VSIR: variants seen among roughly 807,000 people sequenced by gnomAD.
The protein encoded by VSIR is V-set immunoregulatory receptor.
VSIR carries 10 observed loss-of-function variants against 31.0 expected under a neutral mutation model. That is an observed-to-expected ratio of 0.32 (90% confidence interval 0.20 to 0.55). The LOEUF is 0.55. Among genes scored for constraint, VSIR ranks in the 20% least tolerant of loss-of-function variants. The probability of loss-of-function intolerance (pLI) is 0.93; values close to 1 mark genes in which losing one functional copy is unlikely to be tolerated. For missense variants in VSIR, 356 were observed against 416.2 expected (o/e 0.86, Z 1.26); for synonymous variants, 179 against 180.1 (o/e 0.99, Z 0.05).
chr10:71,764,236 G>A (rs974334837), intron 1 of VSIR, among the ~76,000 whole-genome samples: 13 of 152,112 alleles, frequency 8.5e-5, no homozygotes, highest in African/African-American at 3.1e-4. Flanking sequence ...TGTGCACTAC[G>A]CTAAGGGTTT....
chr10:71,752,827 A>C (rs1840039540), intron 5 of VSIR, 148 bp downstream of exon 5: 7 of 969,820 alleles, frequency 7.2e-6, no homozygotes, highest in South Asian at 7.1e-5. Flanking sequence ...GCCAATCTGC[A>C]CAGATGTGCA....
rs769281456 is a variant in VSIR, at chr10:71,761,935, G to A, written c.174C>T (p.Gly58=). ...QNVTLTCRLL[G]PVDKGHDVTF... ...TCACATCGTGCCCTTTGTCCACAGG[G>A]CCCAAGAGCCTGCAGGTGAGGGTGA... The change falls in exon 2 of 7, where the codon GGC becomes GGT. Residue 58 remains glycine, a synonymous_variant. Coordinates refer to ENST00000394957, the MANE Select transcript of VSIR (RefSeq NM_022153.2). 68 of 1,614,016 alleles carry A rather than the reference G, an allele frequency of 4.2e-5. No individual in the cohort carries two copies. Among genetic ancestry groups the A allele is most frequent in the Non-Finnish European group, 5.7e-5 (67 of 1,180,020 alleles).
intron 4 of VSIR, 136 bp downstream of exon 4, chr10:71,755,223 A>G: frequency 1.2e-6 from 1 of 815,720 alleles, no homozygotes. Context: ...CCTGGCGGGA[A>G]GTGCAGCTGC....
chr10:71,764,224 G>A (rs1232659705), intron 1 of VSIR, among the ~76,000 whole-genome samples: 1 of 152,210 alleles, frequency 6.6e-6, no homozygotes, highest in East Asian at 1.9e-4. Context: ...CACAGCATGT[G>A]TTGTGCACTA....
chr10:71,763,170 TTTTA>T (rs1224755474), intron 1 of VSIR, among the ~76,000 whole-genome samples: 3 of 152,138 alleles, frequency 2.0e-5, no homozygotes, highest in Non-Finnish European at 4.4e-5. Flanking sequence ...TTGGTGTTAT[TTTTA>T]TTTATTTATT....
chr10:71,768,169 T>C (rs1840600359), intron 1 of VSIR, among the ~76,000 whole-genome samples: 1 of 152,036 alleles, frequency 6.6e-6, no homozygotes. Flanking sequence ...TTGTTGCTGT[T>C]GTTGTTGTTG....
chr10:71,770,947 G>A (rs541311282), intron 1 of VSIR, among the ~76,000 whole-genome samples: 2 of 152,302 alleles, frequency 1.3e-5, no homozygotes, highest in South Asian at 2.1e-4. Flanking sequence ...CAGAGCCTCT[G>A]GGCAGTGGGT....
At position 71,759,884 on chromosome 10, in the gene VSIR, C is replaced by CAT. The variant is rs377560344; in HGVS notation, c.568+982_568+983dup. ...ACACACATATATATACACACACACA[C>CAT]ATATACACACACACATATATACACA... On this transcript the variant is annotated intron_variant, in intron 3 of 6. Transcript: ENST00000394957. Among the ~76,000 whole-genome samples, 170 of 49,192 alleles carry CAT rather than the reference C, an allele frequency of 3.5e-3. 21 individuals are homozygous for CAT. The Middle Eastern group carries it at 0.065, about 19-fold the overall frequency. 32.3% of individuals were successfully genotyped at this position (49,192 alleles called of 152,430 possible). A position where few individuals can be genotyped will look rare whatever the true frequency, so the allele number is the denominator to read the frequency against.
rs527643078 is a variant in VSIR at position 71,762,057 on chromosome 10, G to A, written c.83-31C>T. On this transcript the variant is annotated intron_variant, in intron 1 of 6. Transcript: ENST00000394957. ...CAGAGAGAGGAGAGCCCTGTCACCT[G>A]ACTGATCCAGTGCTACTCCTGGCAA... 1.9e-6 allele frequency: 3 copies of A among 1,561,804 alleles called. No individual in the cohort carries two copies. In the South Asian group the frequency reaches 3.6e-5, roughly 19 times the overall value.
In VSIR at chr10:71,772,009, G is replaced by A. The variant is rs567335032; in HGVS notation, c.82+1349C>T. 4.4e-3 allele frequency among the ~76,000 whole-genome samples: 672 copies of A among 152,310 alleles called. 4 individuals are homozygous for A. The highest frequency in any genetic ancestry group is 6.8e-3 in the Middle Eastern group (2 of 294). On this transcript the variant is annotated intron_variant, in intron 1 of 6. Coordinates refer to ENST00000394957, the MANE Select transcript of VSIR (RefSeq NM_022153.2). ...AGGTGGGATGCTGGCTTGCCTGCCT[G>A]CCACCATCCTCTGTTCCTTCTGGAA...
chr10:71,759,178 C>A (rs1458284081), intron 3 of VSIR, among the ~76,000 whole-genome samples: 4 of 151,816 alleles, frequency 2.6e-5, no homozygotes, highest in Admixed American at 6.6e-5. Flanking sequence ...GCTGGGACTA[C>A]AGGCGTGCAC....
intron 1 of VSIR, among the ~76,000 whole-genome samples, chr10:71,771,962 T>A (rs915436702): frequency 1.2e-4 from 19 of 152,208 alleles, no homozygotes; most frequent in Non-Finnish European, 2.1e-4. Context: ...GGGAGGGCAG[T>A]GCAGGGCAGG....
chr10:71,768,812 T>C (rs1840620089), intron 1 of VSIR, among the ~76,000 whole-genome samples: 1 of 152,256 alleles, frequency 6.6e-6, no homozygotes, highest in African/African-American at 2.4e-5. Flanking sequence ...GATTAGTTTA[T>C]GTAATCCTTC....
chr10:71,771,202 C>G (rs1035094856), intron 1 of VSIR, among the ~76,000 whole-genome samples: 1 of 152,190 alleles, frequency 6.6e-6, no homozygotes, highest in Non-Finnish European at 1.5e-5. Context: ...CTCTGCTACC[C>G]TTGAGATCTG....
At chr10:71,755,036 A>T (rs1406131884) in intron 4 of VSIR, 1 of 512,710 alleles carries the variant, frequency 2.0e-6, no homozygotes, top group South Asian at 1.5e-5. Flanking sequence ...TCCCCCAAGG[A>T]TCTCTGAGTG....
chr10:71,766,399 C>T (rs1001424930), intron 1 of VSIR, among the ~76,000 whole-genome samples: 10 of 152,160 alleles, frequency 6.6e-5, no homozygotes, highest in Admixed American at 5.9e-4. Flanking sequence ...GGAGGCAGGG[C>T]CACCTAGAGG....
chr10:71,770,553 C>G (rs570039582), intron 1 of VSIR, among the ~76,000 whole-genome samples: 4 of 152,352 alleles, frequency 2.6e-5, no homozygotes, highest in Admixed American at 2.6e-4. Context: ...GGCCCACCCT[C>G]CCCTGGGAGA....
Position 71,749,819 on chromosome 10 carries a change from C to T in VSIR, c.*1434G>A, listed in dbSNP as rs865820528. The T allele has an allele frequency of 3.3e-5, 5 of 152,346 alleles. No individual in the cohort carries two copies. The highest frequency in any genetic ancestry group is 1.3e-4 in the Admixed American group (2 of 15,280). The allele number at this position is 152,346 out of a possible 1,614,324, so 9.4% of individuals were successfully genotyped here. A position where few individuals can be genotyped will look rare whatever the true frequency, so the allele number is the denominator to read the frequency against. ...GCTCCCCTTTTCCATCCCCCCAACC[C>T]CCCAAGCAATTGGGCGAACATCTTC... On this transcript the variant is annotated 3_prime_UTR_variant, in exon 7 of 7. Transcript: ENST00000394957.
At chr10:71,764,240 A>G (rs916125918) in intron 1 of VSIR, among the ~76,000 whole-genome samples, 1 of 152,192 alleles carries the variant, frequency 6.6e-6, no homozygotes, top group African/African-American at 2.4e-5. Context: ...CACTACGCTA[A>G]GGGTTTCATG....
Sources: allele counts gnomAD v4.1 joint callset (sites outside exome capture counted in the v4.1 genomes callset), GRCh38; gene constraint gnomAD v4.1.1; transcripts MANE v1.5; gene names NCBI Gene and HGNC (gene_info 2026-07-23, HGNC 2026-07-21).